ELP4: variants seen among roughly 807,000 people sequenced by gnomAD.
ELP4 encodes elongator complex protein 4.
Under a neutral mutation model 48.9 loss-of-function variants are expected in ELP4, and 51 were observed. The observed-to-expected ratio is 1.04, with a 90% confidence interval of 0.83 to 1.32. The LOEUF is 1.32. ELP4 is among the 40% of genes most tolerant of loss of function. The pLI is 0.00. For missense variants in ELP4, 519 were observed against 514.6 expected, an observed-to-expected ratio of 1.01 and a Z score of -0.08; for synonymous variants, 210 against 189.2, an observed-to-expected ratio of 1.11 and a Z score of -0.90.
At chr11:31,516,510 G>A (rs1418634691) in intron 1 of ELP4, among the ~76,000 whole-genome samples, 1 of 152,134 alleles carries the variant, frequency 6.6e-6, no homozygotes, top group East Asian at 1.9e-4. Context: ...CCATTTGTTT[G>A]TTTGAGACTG....
intron 9 of ELP4, among the ~76,000 whole-genome samples, chr11:31,702,464 A>C (rs1946546164): frequency 6.6e-6 from 1 of 152,120 alleles, no homozygotes; most frequent in South Asian, 2.1e-4. Flanking sequence ...ATAATGGTAA[A>C]AGTTGCATAA....
chr11:31,514,945 A>C (rs1421689558), intron 1 of ELP4, among the ~76,000 whole-genome samples: 1 of 151,648 alleles, frequency 6.6e-6, no homozygotes, highest in Admixed American at 6.6e-5. Flanking sequence ...ATGTTTTGAG[A>C]TCATGTCTCA....
chr11:31,560,684 A>ATTGTTTTATATATATACAAAACAACG (rs1957005267), intron 3 of ELP4, among the ~76,000 whole-genome samples: 2 of 108,802 alleles, frequency 1.8e-5, no homozygotes, highest in Non-Finnish European at 3.9e-5. Context: ...TAAAGACCAC[A>ATTGTTTTATATATATACAAAACAACG]TTGTTTTATA....
chr11:31,525,412 T>C (rs1191169833), intron 2 of ELP4, among the ~76,000 whole-genome samples: 1 of 152,144 alleles, frequency 6.6e-6, no homozygotes, highest in African/African-American at 2.4e-5. Flanking sequence ...TGGTTGCATA[T>C]GGAATAACCA....
chr11:31,647,126 T>G (rs919141828), intron 7 of ELP4: 1 of 151,796 alleles, frequency 6.6e-6, no homozygotes, highest in Non-Finnish European at 1.5e-5. Flanking sequence ...CATCTTTTCT[T>G]TCCCTTTATT....
chr11:31,715,043 C>T (rs1946815634), intron 9 of ELP4: 2 of 371,470 alleles, frequency 5.4e-6, no homozygotes, highest in African/African-American at 2.1e-5. Flanking sequence ...TTCATTTTTA[C>T]TCATCAGTAA....
intron 1 of ELP4, chr11:31,511,789 C>G (rs1364923833): frequency 1.3e-5 from 2 of 152,120 alleles, no homozygotes; most frequent in African/African-American, 2.4e-5. Flanking sequence ...ACCTTCTATA[C>G]GTGTTTCTTC....
chr11:31,595,656 T>C (rs1046622854), intron 4 of ELP4, among the ~76,000 whole-genome samples: 6 of 152,150 alleles, frequency 3.9e-5, no homozygotes, highest in Non-Finnish European at 8.8e-5. Context: ...GGTTTCCTGT[T>C]TTCACTACCC....
intron 9 of ELP4, among the ~76,000 whole-genome samples, chr11:31,744,167 G>T (rs11500253): frequency 6.6e-6 from 1 of 151,964 alleles, no homozygotes; most frequent in Admixed American, 6.6e-5. Flanking sequence ...TCCTCAACAC[G>T]TACATCCACC....
In ELP4 at chr11:31,783,754, T is replaced by A. The variant is rs185198932; in HGVS notation, c.*230T>A. ...TAGAGAAAATAATTTTATTTTTAAA[T>A]AAACGCCAAAAAATGTCAAAATCTC... On this transcript the variant is annotated 3_prime_UTR_variant, in exon 10 of 10. Transcript: ENST00000640961. The A allele has an allele frequency of 7.7e-6, 3 of 387,956 alleles. No homozygotes were observed. Among genetic ancestry groups the A allele is most frequent in the Non-Finnish European group, 1.4e-5 (3 of 217,708 alleles). The allele number at this position is 387,956 out of a possible 1,614,324, so 24.0% of individuals were successfully genotyped here.
intron 9 of ELP4, among the ~76,000 whole-genome samples, chr11:31,735,631 A>G (rs2134209186): frequency 6.6e-6 from 1 of 152,316 alleles, no homozygotes; most frequent in Admixed American, 6.5e-5. Flanking sequence ...GCAAAGTCTC[A>G]GGATACAAAA....
In ELP4 at chr11:31,670,210, T is replaced by C. The variant is rs570117915; in HGVS notation, c.1143+19989T>C. On this transcript the variant is annotated intron_variant, in intron 9 of 9. Transcript: ENST00000640961. ...TTATAGACATATGGTAGTGATTCAG[T>C]ATGGATACCTATCAGGATGACTAAT... 3.9e-5 allele frequency among the ~76,000 whole-genome samples: 6 copies of C among 152,280 alleles called. No homozygotes were observed. In the South Asian group the frequency reaches 1.2e-3, roughly 32 times the overall value.
At chr11:31,538,414 GATT>G (rs1956538408) in intron 2 of ELP4, among the ~76,000 whole-genome samples, 1 of 147,414 alleles carries the variant, frequency 6.8e-6, no homozygotes, top group Non-Finnish European at 1.5e-5. Flanking sequence ...ATACTTATAT[GATT>G]ATAATATATA....
Position 31,786,971 on chromosome 11 carries a change from A to C in ELP4, c.*3447A>C, listed in dbSNP as rs1457278179. On this transcript the variant is annotated 3_prime_UTR_variant, in exon 10 of 10. Coordinates refer to ENST00000640961, the MANE Select transcript of ELP4 (RefSeq NM_019040.5). The stretch of plus-strand genomic sequence containing the variant: ...TCTCCATCCTGGAAGATGGTGTCAA[A>C]ACATCCCTGCAGATACCCCATTGAT... 4.6e-6 allele frequency: 1 copy of C among 219,310 alleles called. No individual in the cohort carries two copies. The highest frequency in any genetic ancestry group is 9.1e-6 in the Non-Finnish European group (1 of 109,364). 13.6% of individuals were successfully genotyped at this position (219,310 alleles called of 1,614,324 possible). A position where few individuals can be genotyped will look rare whatever the true frequency, so the allele number is the denominator to read the frequency against.
intron 1 of ELP4, 102 bp from the exon 2 acceptor site, chr11:31,519,954 T>A: frequency 9.3e-7 from 1 of 1,075,208 alleles, no homozygotes; most frequent in Non-Finnish European, 1.4e-6. Flanking sequence ...CAACTACTGT[T>A]TTAAAGTTAT....
chr11:31,761,851 A>T (rs1265030302), intron 9 of ELP4: 2 of 152,226 alleles, frequency 1.3e-5, no homozygotes, highest in Non-Finnish European at 2.9e-5. Flanking sequence ...CTACTGGCTG[A>T]TACACAGAGC....
intron 9 of ELP4, among the ~76,000 whole-genome samples, chr11:31,736,346 C>G (rs1037018637): frequency 3.9e-5 from 6 of 152,090 alleles, no homozygotes; most frequent in Non-Finnish European, 7.4e-5. Context: ...TAAAGACTTA[C>G]ATGGTAGACC....
chr11:31,783,824 G>C lies in ELP4; in HGVS notation c.*300G>C, dbSNP rs1414760112. ...ATTCGTGTGTGTACTAAGGCATTTA[G>C]TGTCATGGTAAAGTGCATGTCACAG... On this transcript the variant is annotated 3_prime_UTR_variant, in exon 10 of 10. Coordinates refer to ENST00000640961, the MANE Select transcript of ELP4 (RefSeq NM_019040.5). The C allele has an allele frequency of 4.7e-6, 1 of 213,930 alleles. No homozygotes were observed. Among genetic ancestry groups the C allele is most frequent in the African/African-American group, 2.3e-5 (1 of 43,754 alleles). The allele number at this position is 213,930 out of a possible 1,614,324, so 13.3% of individuals were successfully genotyped here.
At chr11:31,780,534 G>A (rs1189459382) in intron 9 of ELP4, 8 of 152,132 alleles carry the variant, frequency 5.3e-5, no homozygotes, top group South Asian at 4.1e-4. Context: ...TGTAGCATTT[G>A]GTTAAAAGCA....
Sources: gnomAD v4.1 joint callset for allele counts (sites outside exome capture counted in the v4.1 genomes callset) on GRCh38, gnomAD v4.1.1 for gene constraint, MANE v1.5 for transcripts, NCBI Gene and HGNC (gene_info 2026-07-23, HGNC 2026-07-21) for gene names.